CTTNBP2NL: variants seen among roughly 807,000 people sequenced by gnomAD.
CTTNBP2NL encodes the protein CTTNBP2 N-terminal like.
A neutral mutation model predicts 32.5 loss-of-function variants in CTTNBP2NL; 16 were observed. The ratio of observed to expected loss-of-function variants is 0.49; its 90% CI spans 0.33 to 0.75. CTTNBP2NL has a LOEUF of 0.75. Among genes scored for constraint, CTTNBP2NL ranks in the 30% least tolerant of loss-of-function variants. The probability of loss-of-function intolerance (pLI) is 0.02; values close to 1 mark genes in which losing one functional copy is unlikely to be tolerated. For missense variants in CTTNBP2NL, 645 were observed against 756.0 expected, an observed-to-expected ratio of 0.85 and a Z score of 1.72; for synonymous variants, 298 against 289.4, an observed-to-expected ratio of 1.03 and a Z score of -0.30.
In CTTNBP2NL at chr1:112,456,523, C is replaced by T. The variant is rs1650368835; in HGVS notation, c.1031C>T (p.Ser344Leu). Residue 344 changes from serine (S) to leucine (L), a missense_variant, in exon 6 of 6, where the codon TCA becomes TTA. Physicochemically the swap from Ser to Leu is moderately radical, Grantham distance 145. Transcript: ENST00000271277. Reference sequence around the variant, plus strand: ...CCTGGTCCTGCCACTCCTGCTTACTCATATGCAAAAACCAATGGCCATTGT... The same window carrying T: ...CCTGGTCCTGCCACTCCTGCTTACTTATATGCAAAAACCAATGGCCATTGT... The part of the protein sequence containing the change: ...GLPGPATPAY[S>L]YAKTNGHCDP... 1 of 1,614,198 alleles carries T rather than the reference C, an allele frequency of 6.2e-7. No homozygotes were observed. The highest frequency in any genetic ancestry group is 1.1e-5 in the South Asian group (1 of 91,084).
At chr1:112,435,815 T>C (rs1382935246) in intron 3 of CTTNBP2NL, among the ~76,000 whole-genome samples, 1 of 152,248 alleles carries the variant, frequency 6.6e-6, no homozygotes, top group African/African-American at 2.4e-5. Flanking sequence ...TCCTTTCCTA[T>C]CAAATTGGGG....
At chr1:112,420,855 AC>A (rs1649208192) in intron 3 of CTTNBP2NL, among the ~76,000 whole-genome samples, 1 of 152,280 alleles carries the variant, frequency 6.6e-6, no homozygotes, top group South Asian at 2.1e-4. Context: ...ACTCTTCAAA[AC>A]CATCAACCAG....
At chr1:112,400,966 CA>C (rs56784970) in intron 1 of CTTNBP2NL, among the ~76,000 whole-genome samples, 2,259 of 101,966 alleles carry the variant, frequency 0.022, 28 homozygotes, top group African/African-American at 0.084. Context: ...ACTCTGTCAC[CA>C]AAAAAAAAAA....
At chr1:112,407,215 C>T (rs990871935) in intron 1 of CTTNBP2NL, among the ~76,000 whole-genome samples, 4 of 152,052 alleles carry the variant, frequency 2.6e-5, no homozygotes, top group African/African-American at 9.7e-5. Flanking sequence ...ATCCCCCTTA[C>T]CTACAATTCA....
rs34043965 is a variant in CTTNBP2NL, at chr1:112,427,895, C to CAAAA, written c.99+11643_99+11646dup. Among the ~76,000 whole-genome samples the CAAAA allele has an allele frequency of 1.8e-3, 240 of 132,858 alleles. 2 individuals are homozygous for CAAAA. The highest frequency in any genetic ancestry group is 6.3e-3 in the African/African-American group (223 of 35,492). 87.2% of individuals were successfully genotyped at this position (132,858 alleles called of 152,430 possible). A position where few individuals can be genotyped will look rare whatever the true frequency, so the allele number is the denominator to read the frequency against. ...TGGGGGACAGAGCAAGACTCTGTCTCAAAAAAAAAAAAAAACAGTAAATCC... is the reference window on the plus strand; with the variant it reads ...TGGGGGACAGAGCAAGACTCTGTCTCAAAAAAAAAAAAAAAAAAACAGTAAATCC... On this transcript the variant is annotated intron_variant, in intron 3 of 5. Coordinates refer to ENST00000271277, the MANE Select transcript of CTTNBP2NL (RefSeq NM_018704.3).
intron 3 of CTTNBP2NL, among the ~76,000 whole-genome samples, chr1:112,421,310 C>CTTTTTT (rs34750717): frequency 1.8e-4 from 21 of 115,892 alleles, no homozygotes; most frequent in East Asian, 2.5e-4. Flanking sequence ...CATTTCTTTT[C>CTTTTTT]TTTTTTTTTT....
Position 112,456,764 on chromosome 1 carries a change from A to T in CTTNBP2NL, c.1272A>T (p.Thr424=). 1 of 1,613,796 alleles carries T rather than the reference A, an allele frequency of 6.2e-7. No homozygotes were observed. Among genetic ancestry groups the T allele is most frequent in the Non-Finnish European group, 8.5e-7 (1 of 1,179,958 alleles). The stretch of plus-strand genomic sequence containing the variant: ...GCAGCACTGCCTCCTCCTCTCTAAC[A>T]TCCTCTCCTTGCTCTTCGCCGGTAC... The part of the protein sequence containing the change: ...SPSSTASSSL[T]SSPCSSPVLT... Residue 424 remains threonine (T), a synonymous_variant, in exon 6 of 6, where the codon ACA becomes ACT. Coordinates refer to ENST00000271277, the MANE Select transcript of CTTNBP2NL (RefSeq NM_018704.3).
At chr1:112,426,927 G>C (rs35486186) in intron 3 of CTTNBP2NL, among the ~76,000 whole-genome samples, 1 of 152,040 alleles carries the variant, frequency 6.6e-6, no homozygotes, top group Non-Finnish European at 1.5e-5. Flanking sequence ...AAACTTAATA[G>C]TAATTTAAAA....
upstream of CTTNBP2NL, among the ~76,000 whole-genome samples, chr1:112,393,313 G>T (rs1329279576): frequency 6.6e-6 from 1 of 152,080 alleles, no homozygotes; most frequent in Non-Finnish European, 1.5e-5. Context: ...TTACTCCATT[G>T]CTGCCTCCCC....
chr1:112,437,804 T>A (rs1649780796), intron 3 of CTTNBP2NL, among the ~76,000 whole-genome samples: 1 of 152,184 alleles, frequency 6.6e-6, no homozygotes, highest in Non-Finnish European at 1.5e-5. Flanking sequence ...ATTGCAGGTG[T>A]GAGCCACCAT....
chr1:112,451,776 A>AT (rs1303899362), intron 4 of CTTNBP2NL, among the ~76,000 whole-genome samples: 1 of 121,054 alleles, frequency 8.3e-6, no homozygotes, highest in Non-Finnish European at 1.9e-5. Flanking sequence ...TCAAAAAAAA[A>AT]AAAAAAAACA....
At chr1:112,453,541 C>T (rs1650284852) in intron 4 of CTTNBP2NL, among the ~76,000 whole-genome samples, 1 of 152,072 alleles carries the variant, frequency 6.6e-6, no homozygotes, top group Non-Finnish European at 1.5e-5. Context: ...CACTTGAGCC[C>T]AGGAGTTCCA....
chr1:112,414,534 G>A (rs1649001366), intron 2 of CTTNBP2NL, among the ~76,000 whole-genome samples: 1 of 152,018 alleles, frequency 6.6e-6, no homozygotes, highest in South Asian at 2.1e-4. Flanking sequence ...TTCTTTTTTT[G>A]TGTGCCCCCC....
At chr1:112,426,915 C>A (rs1390785540) in intron 3 of CTTNBP2NL, among the ~76,000 whole-genome samples, 1 of 152,024 alleles carries the variant, frequency 6.6e-6, no homozygotes, top group Non-Finnish European at 1.5e-5. Context: ...CTCCCCATGG[C>A]AAAACTTAAT....
chr1:112,454,317 G>C, intron 4 of CTTNBP2NL, 132 bp from the exon 5 acceptor site: 1 of 650,974 alleles, frequency 1.5e-6, no homozygotes, highest in Non-Finnish European at 2.7e-6. Flanking sequence ...GCCCTTGCTG[G>C]GTTTCATTTA....
At chr1:112,425,956 C>CGTGTGTGTGTGTGT (rs376135147) in intron 3 of CTTNBP2NL, among the ~76,000 whole-genome samples, 7 of 119,656 alleles carry the variant, frequency 5.9e-5, no homozygotes, top group East Asian at 2.4e-4. Context: ...ATCTGGATGC[C>CGTGTGTGTGTGTGT]GTGTGTGTGT....
At chr1:112,433,711 G>A (rs1455056751) in intron 3 of CTTNBP2NL, among the ~76,000 whole-genome samples, 1 of 152,068 alleles carries the variant, frequency 6.6e-6, no homozygotes, top group East Asian at 1.9e-4. Context: ...ATATATTCTT[G>A]TAAAATGTAT....
intron 1 of CTTNBP2NL, among the ~76,000 whole-genome samples, chr1:112,402,666 T>G (rs1156784315): frequency 6.6e-6 from 1 of 152,206 alleles, no homozygotes; most frequent in African/African-American, 2.4e-5. Flanking sequence ...GCTACAGAAG[T>G]AACAACAGAA....
chr1:112,433,304 T>A (rs1649627960), intron 3 of CTTNBP2NL, among the ~76,000 whole-genome samples: 1 of 152,140 alleles, frequency 6.6e-6, no homozygotes, highest in Admixed American at 6.5e-5. Context: ...TGTTTTAAAA[T>A]TCCCCGTGGC....
Sources: gnomAD v4.1 joint callset for allele counts (sites outside exome capture counted in the v4.1 genomes callset) on GRCh38, gnomAD v4.1.1 for gene constraint, MANE v1.5 for transcripts, NCBI Gene and HGNC (gene_info 2026-07-23, HGNC 2026-07-21) for gene names.